MAPKBP1: variants seen among roughly 807,000 people sequenced by gnomAD.
MAPKBP1 encodes mitogen-activated protein kinase-binding protein 1.
MAPKBP1 carries 71 observed loss-of-function variants against 170.5 expected under a neutral mutation model. That is an observed-to-expected ratio of 0.42 (90% CI 0.34 to 0.51). The LOEUF (loss-of-function observed/expected upper bound fraction) is 0.51, where lower values mean the gene tolerates loss of function less well. Ranked by LOEUF, MAPKBP1 falls within the 20% of genes least tolerant of loss-of-function variation. MAPKBP1 has a pLI of 0.06. For synonymous variants in MAPKBP1, 719 were observed against 757.9 expected (o/e 0.95, Z 0.84); for missense variants, 1,598 against 1,933.0 (o/e 0.83, Z 3.25).
At position 41,824,071 on chromosome 15, in the gene MAPKBP1, G is replaced by A. The variant is rs750267963; in HGVS notation, c.4213+10G>A. On this transcript the variant is annotated intron_variant, in intron 29 of 30. Transcript: ENST00000457542. ...CTGAGCCAGGACTCAGGTGTGCACA[G>A]CTCCCCAGCTCTCATCTCCTGCCCC... The A allele has an allele frequency of 8.0e-5, 127 of 1,582,988 alleles. 5 individuals carry two copies. In the South Asian group the frequency reaches 1.4e-3, roughly 17 times the overall value.
Position 41,821,703 on chromosome 15 carries a change from T to C in MAPKBP1, c.2838T>C (p.Asp946=). 1 of 1,614,160 alleles carries C rather than the reference T, an allele frequency of 6.2e-7. No individual in the cohort carries two copies. Among genetic ancestry groups the C allele is most frequent in the South Asian group, 1.1e-5 (1 of 91,082 alleles). ...ATCTGGAACCTGCACCCATTGAAGA[T>C]GGTATTGTCTACCCGGAGCCGAGTG... ...AQDLEPAPIE[D]GIVYPEPSDN... is the part of the protein sequence containing the mutation. Residue 946 remains aspartate, a synonymous_variant, in exon 24 of 31, where the codon GAT becomes GAC. Coordinates refer to ENST00000457542, the MANE Select transcript of MAPKBP1 (RefSeq NM_014994.3).
chr15:41,823,530 C>T lies in MAPKBP1; in HGVS notation c.3682C>T (p.Leu1228=). 1 of 1,614,190 alleles carries T rather than the reference C, an allele frequency of 6.2e-7. No individual in the cohort carries two copies. The highest frequency in any genetic ancestry group is 1.6e-4 in the Middle Eastern group (1 of 6,062). Reference sequence around the variant, plus strand: ...CGAAGCTCAGGATGGTCTGGGCTCCCTGCCCCCAGCTGATGGCCGTCCGTC... The same window carrying T: ...CGAAGCTCAGGATGGTCTGGGCTCCTTGCCCCCAGCTGATGGCCGTCCGTC... ...EIEAQDGLGS[L]PPADGRPSRP... Residue 1228 remains leucine, a synonymous_variant, in exon 29 of 31, where the codon CTG becomes TTG. Coordinates refer to ENST00000457542, the MANE Select transcript of MAPKBP1 (RefSeq NM_014994.3).
chr15:41,824,606 C>CG (rs1313364103), intron 30 of MAPKBP1, 37 bp downstream of exon 30: 2 of 1,538,828 alleles, frequency 1.3e-6, no homozygotes, highest in African/African-American at 2.7e-5. Context: ...AAGGCGGGCA[C>CG]GTCAGTAGTG....
intron 2 of MAPKBP1, among the ~76,000 whole-genome samples, chr15:41,798,114 G>GT (rs1227601054): frequency 6.6e-6 from 1 of 151,248 alleles, no homozygotes; most frequent in East Asian, 2.0e-4. Context: ...GCAGGGTGTG[G>GT]TGGCGGGTGC....
intron 2 of MAPKBP1, among the ~76,000 whole-genome samples, chr15:41,797,428 G>C (rs1233889784): frequency 6.6e-6 from 1 of 152,162 alleles, no homozygotes; most frequent in African/African-American, 2.4e-5. Context: ...TCTGCAGAAG[G>C]CGGTGGGTGT....
At chr15:41,804,114 A>G (rs2152075469) in intron 3 of MAPKBP1, among the ~76,000 whole-genome samples, 1 of 152,326 alleles carries the variant, frequency 6.6e-6, no homozygotes, top group Middle Eastern at 3.4e-3. Flanking sequence ...TGCTGGGATT[A>G]CAGGTGTGAG....
In MAPKBP1 at chr15:41,817,730, T is replaced by C. The variant is rs1257185150; in HGVS notation, c.1899T>C (p.Asn633=). 3 of 1,613,184 alleles carry C rather than the reference T, an allele frequency of 1.9e-6. No individual in the cohort carries two copies. Among genetic ancestry groups the C allele is most frequent in the Non-Finnish European group, 2.5e-6 (3 of 1,179,602 alleles). The change falls in exon 16 of 31, where the codon AAT becomes AAC. Residue 633 remains asparagine (N), a synonymous_variant. Coordinates refer to ENST00000457542, the MANE Select transcript of MAPKBP1 (RefSeq NM_014994.3). The surrounding 1 kb of genome is among the most constrained non-coding windows in gnomAD (Gnocchi z 4.2). ...KYTAIGCQDR[N]IRIFNISSGK... ...CGGCTATCGGCTGCCAGGACCGAAATATTCGGTGGGCGTCCCCTCCTCAGA... is the reference window on the plus strand; with the variant it reads ...CGGCTATCGGCTGCCAGGACCGAAACATTCGGTGGGCGTCCCCTCCTCAGA...
Position 41,821,723 on chromosome 15 carries a change from C to G in MAPKBP1, c.2858C>G (p.Pro953Arg). Reference sequence around the variant, plus strand: ...GAAGATGGTATTGTCTACCCGGAGCCGAGTGACAACCCCACCATGGATACC... The same window carrying G: ...GAAGATGGTATTGTCTACCCGGAGCGGAGTGACAACCCCACCATGGATACC... ...PIEDGIVYPEPSDNPTMDTSE... is the reference protein window; with the variant it reads ...PIEDGIVYPERSDNPTMDTSE... The change falls in exon 24 of 31, where the codon CCG becomes CGG. Residue 953 changes from proline to arginine, a missense_variant. Pro to Arg is a moderately radical substitution (Grantham distance 103). Transcript: ENST00000457542. 1 of 1,614,026 alleles carries G rather than the reference C, an allele frequency of 6.2e-7. No homozygotes were observed. The highest frequency in any genetic ancestry group is 8.5e-7 in the Non-Finnish European group (1 of 1,179,998).
In MAPKBP1 at chr15:41,815,807, C is replaced by G; in HGVS notation, c.1493+8C>G. Reference sequence around the variant, plus strand: ...CCGTATGGGCACACTTAGGTAATGCCAGGCCCTGGGTGGGTACTGACTGCC... The same window carrying G: ...CCGTATGGGCACACTTAGGTAATGCGAGGCCCTGGGTGGGTACTGACTGCC... On this transcript the variant is annotated splice_region_variant and intron_variant, in intron 12 of 30. Transcript: ENST00000457542. 6.2e-7 allele frequency: 1 copy of G among 1,610,168 alleles called. No individual in the cohort carries two copies. Among genetic ancestry groups the G allele is most frequent in the Non-Finnish European group, 8.5e-7 (1 of 1,176,688 alleles).
chr15:41,810,717 CAAAAAAA>C (rs58612719), intron 3 of MAPKBP1, 159 bp from the exon 4 acceptor site: 1,023 of 429,662 alleles, frequency 2.4e-3, no homozygotes, highest in African/African-American at 6.0e-3. Context: ...GATCCTGTCT[CAAAAAAA>C]AAAAAAAAAA....
At chr15:41,781,273 A>G (rs2064182577) in intron 2 of MAPKBP1, among the ~76,000 whole-genome samples, 1 of 151,888 alleles carries the variant, frequency 6.6e-6, no homozygotes, top group Admixed American at 6.6e-5. Context: ...ACAGGATTTC[A>G]ACATGTTGGC....
rs2065123856 is a variant in MAPKBP1 at position 41,827,282 on chromosome 15, A to G, written c.*1846A>G. 1 of 151,736 alleles carries G rather than the reference A, an allele frequency of 6.6e-6. No homozygotes were observed. Among genetic ancestry groups the G allele is most frequent in the South Asian group, 2.1e-4 (1 of 4,804 alleles). The allele number at this position is 151,736 out of a possible 1,614,324, so 9.4% of individuals were successfully genotyped here. On this transcript the variant is annotated 3_prime_UTR_variant, in exon 31 of 31. Coordinates refer to ENST00000457542, the MANE Select transcript of MAPKBP1 (RefSeq NM_014994.3). ...GCCATTGCACTCCAACCTAGGTGAC[A>G]AAGCTACACGCCATCTCAAAAAAAA... is the stretch of plus-strand genomic sequence containing the variant.
At chr15:41,783,004 C>T (rs1010346847) in intron 2 of MAPKBP1, among the ~76,000 whole-genome samples, 10 of 152,284 alleles carry the variant, frequency 6.6e-5, no homozygotes, top group African/African-American at 2.2e-4. Context: ...ACTGTGCAAC[C>T]TTGGTTCTGT....
Position 41,790,417 on chromosome 15 carries a change from T to A in MAPKBP1, c.115-9406T>A, listed in dbSNP as rs760570089. ...GGATAGAGTAGGGACTGTTGTTACA[T>A]GAAAAAAACCTTAAGTTCTTTGGGT... On this transcript the variant is annotated intron_variant, in intron 2 of 30. Transcript: ENST00000457542. Among the ~76,000 whole-genome samples, 20 of 152,266 alleles carry A rather than the reference T, an allele frequency of 1.3e-4. 1 individual carries two copies. Among genetic ancestry groups the A allele is most frequent in the Middle Eastern group, 3.4e-3 (1 of 292 alleles).
rs771239956 is a variant in MAPKBP1, at chr15:41,793,226, G to A, written c.115-6597G>A. On this transcript the variant is annotated intron_variant, in intron 2 of 30. Transcript: ENST00000457542. ...ATGTGGGCTGGGTGCAGTCGCTCAC[G>A]CCTGTAATCCCAGCACTTTGGGAGG... Among the ~76,000 whole-genome samples the A allele has an allele frequency of 5.9e-5, 9 of 152,150 alleles. No individual in the cohort carries two copies. In the South Asian group the frequency reaches 8.3e-4, roughly 14 times the overall value.
intron 3 of MAPKBP1, among the ~76,000 whole-genome samples, chr15:41,809,110 G>C (rs1198433268): frequency 6.7e-6 from 1 of 149,912 alleles, no homozygotes; most frequent in Admixed American, 6.7e-5. Flanking sequence ...GGCTGAGCCA[G>C]GGTGGCATGA....
At chr15:41,794,763 T>C (rs947417305) in intron 2 of MAPKBP1, among the ~76,000 whole-genome samples, 1 of 152,218 alleles carries the variant, frequency 6.6e-6, no homozygotes, top group Admixed American at 6.5e-5. Flanking sequence ...ACCTAGGTCC[T>C]GTCCTCAAAG....
At chr15:41,775,864 C>T (rs2064090364) in intron 2 of MAPKBP1, among the ~76,000 whole-genome samples, 2 of 151,776 alleles carry the variant, frequency 1.3e-5, no homozygotes, top group African/African-American at 4.9e-5. Context: ...CTCTTGCCTA[C>T]GGTGAAAACA....
chr15:41,823,001 C>G lies in MAPKBP1; in HGVS notation c.3377C>G (p.Ala1126Gly). ...TCGAGACCAGCCCAGGTGCCACAGG[C>G]ATCTGGTGAGCAGCCGAGAGGCAAT... ...LMSRPAQVPQ[A>G]SGEQPRGNGA... The change falls in exon 28 of 31, where the codon GCA becomes GGA. Residue 1126 changes from alanine (A) to glycine (G), a missense_variant. Coordinates refer to ENST00000457542, the MANE Select transcript of MAPKBP1 (RefSeq NM_014994.3). 1 of 1,614,048 alleles carries G rather than the reference C, an allele frequency of 6.2e-7. No homozygotes were observed. The highest frequency in any genetic ancestry group is 8.5e-7 in the Non-Finnish European group (1 of 1,179,982).
Sources: gnomAD v4.1 joint callset for allele counts (sites outside exome capture counted in the v4.1 genomes callset) on GRCh38, gnomAD v4.1.1 for gene constraint, Gnocchi (gnomAD v3.1) non-coding constraint, MANE v1.5 for transcripts, NCBI Gene and HGNC (gene_info 2026-07-23, HGNC 2026-07-21) for gene names.